PADI4: variants seen among roughly 807,000 people sequenced by gnomAD.
PADI4 encodes peptidyl arginine deiminase 4, also known as protein-arginine deiminase type-4.
PADI4 carries 62 observed loss-of-function variants against 75.0 expected under a neutral mutation model. The ratio of observed to expected loss-of-function variants is 0.83; its 90% CI spans 0.67 to 1.02. The LOEUF is 1.02. Among genes scored for constraint, PADI4 ranks in the 50% least tolerant of loss-of-function variants. The pLI is 0.00. For missense variants in PADI4, 845 were observed against 850.5 expected, an observed-to-expected ratio of 0.99 and a Z score of 0.08; for synonymous variants, 361 against 348.1, an observed-to-expected ratio of 1.04 and a Z score of -0.41.
intron 2 of PADI4, among the ~76,000 whole-genome samples, chr1:17,332,702 C>T (rs1467563494): frequency 6.6e-6 from 1 of 152,170 alleles, no homozygotes; most frequent in Non-Finnish European, 1.5e-5. Context: ...ACAGGACCCT[C>T]TGGGGTTCCC....
chr1:17,329,335 A>G (rs555552371), intron 1 of PADI4, among the ~76,000 whole-genome samples: 1 of 152,060 alleles, frequency 6.6e-6, no homozygotes, highest in Non-Finnish European at 1.5e-5. Flanking sequence ...AAAAAAAAAA[A>G]AAAATAGTAA....
At chr1:17,350,474 T>C (rs12752914) in intron 10 of PADI4, among the ~76,000 whole-genome samples, 4,354 of 130,804 alleles carry the variant, frequency 0.033, 956 homozygotes, top group Middle Eastern at 0.051. Flanking sequence ...GAAACTTGAA[T>C]TTTTGAGGAA....
intron 8 of PADI4, among the ~76,000 whole-genome samples, chr1:17,344,468 G>A (rs2074479555): frequency 6.6e-6 from 1 of 152,258 alleles, no homozygotes; most frequent in Non-Finnish European, 1.5e-5. Context: ...ACAAGGCAAT[G>A]AGGAAAATGT....
intron 1 of PADI4, among the ~76,000 whole-genome samples, chr1:17,330,447 G>A (rs1456363669): frequency 6.6e-6 from 1 of 152,180 alleles, no homozygotes; most frequent in African/African-American, 2.4e-5. Context: ...CTGCAAGCTG[G>A]GGAAGAGAGA....
Position 17,338,098 on chromosome 1 carries a change from G to A in PADI4, c.469G>A (p.Asp157Asn), listed in dbSNP as rs2074349295. The change falls in exon 5 of 16, where the codon GAC (aspartate) becomes AAC (asparagine). Residue 157 changes from aspartate to asparagine, a missense_variant. Physicochemically the swap from Asp to Asn is conservative, Grantham distance 23 (BLOSUM62 1). Transcript: ENST00000375448. ...CATCCTGCTGGTGAACTGTGACAGA[G>A]ACAATCTCGAATCTTCTGCCATGGA... is the stretch of plus-strand genomic sequence containing the variant. ...GAILLVNCDR[D>N]NLESSAMDCE... 6.2e-7 allele frequency: 1 copy of A among 1,613,688 alleles called. No individual in the cohort carries two copies.
At chr1:17,340,667 G>C (rs1214027097) in intron 6 of PADI4, among the ~76,000 whole-genome samples, 1 of 152,094 alleles carries the variant, frequency 6.6e-6, no homozygotes, top group East Asian at 1.9e-4. Flanking sequence ...GGGAGGTCAG[G>C]TAGGCGTATA....
chr1:17,322,036 T>C (rs1242838932), intron 1 of PADI4, among the ~76,000 whole-genome samples: 1 of 152,230 alleles, frequency 6.6e-6, no homozygotes, highest in African/African-American at 2.4e-5. Context: ...TTCATCTAGC[T>C]CAGTGAATCT....
chr1:17,321,305 T>C (rs955496714), intron 1 of PADI4, among the ~76,000 whole-genome samples: 1 of 152,002 alleles, frequency 6.6e-6, no homozygotes, highest in Non-Finnish European at 1.5e-5. Context: ...AGTCTGACCA[T>C]AGCACAGGGA....
chr1:17,325,774 T>C (rs2100688947), intron 1 of PADI4, among the ~76,000 whole-genome samples: 1 of 152,016 alleles, frequency 6.6e-6, no homozygotes, highest in South Asian at 2.1e-4. Context: ...AATGGCACAA[T>C]CTTGACTCAC....
intron 1 of PADI4, among the ~76,000 whole-genome samples, chr1:17,309,177 A>G (rs1376359240): frequency 3.3e-5 from 5 of 151,720 alleles, no homozygotes; most frequent in African/African-American, 9.7e-5. Context: ...CCCTGGAAAA[A>G]AAAAAAAAAA....
rs988556909 is a variant in PADI4, at chr1:17,356,103, C to T, written c.1431C>T (p.Ser477=). ...TGGGCCACGTGGACGAGTTCCTGAG[C>T]TTTGTGCCAGCACCCGACAGGAAGG... ...LSVGHVDEFL[S]FVPAPDRKGF... is the part of the protein sequence containing the mutation. Residue 477 remains serine, a synonymous_variant, in exon 12 of 16, where the codon AGC becomes AGT. Transcript: ENST00000375448. This position sits in a 1 kb window ranked among gnomAD's most constrained non-coding sequence, Gnocchi z 4.1. 3 of 1,614,074 alleles carry T rather than the reference C, an allele frequency of 1.9e-6. No homozygotes were observed. The highest frequency in any genetic ancestry group is 2.5e-6 in the Non-Finnish European group (3 of 1,180,038).
Position 17,363,699 on chromosome 1 carries a change from G to T in PADI4, c.1936G>T (p.Gly646Cys). The T allele has an allele frequency of 6.2e-7, 1 of 1,614,162 alleles. No individual in the cohort carries two copies. Among genetic ancestry groups the T allele is most frequent in the Non-Finnish European group, 8.5e-7 (1 of 1,179,974 alleles). Residue 646 changes from glycine (G) to cysteine (C), a missense_variant, in exon 16 of 16, where the codon GGC becomes TGC. By Grantham distance (159) the Gly-to-Cys change is radical (BLOSUM62 -3). Coordinates refer to ENST00000375448, the MANE Select transcript of PADI4 (RefSeq NM_012387.3). ...CATCAGGCATGGGGAGGTGCACTGC[G>T]GCACCAACGTGCGCAGAAAGCCCTT... is the stretch of plus-strand genomic sequence containing the variant. ...YHIRHGEVHC[G>C]TNVRRKPFSF...
Position 17,316,807 on chromosome 1 carries a change from G to GCTT in PADI4, c.92+8496_92+8498dup, listed in dbSNP as rs762250817. On this transcript the variant is annotated intron_variant, in intron 1 of 15. Transcript: ENST00000375448. ...ACCCGTCTCCCCTGCCCCGCGCCCAGCTTCTATCTGTAGCTGCATTTCAGC... is the reference window on the plus strand; with the variant it reads ...ACCCGTCTCCCCTGCCCCGCGCCCAGCTTCTTCTATCTGTAGCTGCATTTCAGC... 3.9e-5 allele frequency among the ~76,000 whole-genome samples: 6 copies of GCTT among 151,922 alleles called. No homozygotes were observed. The East Asian group carries it at 1.2e-3, about 29-fold the overall frequency.
At chr1:17,358,763 C>G in intron 13 of PADI4, 75 bp from the exon 14 acceptor site, 1 of 910,982 alleles carries the variant, frequency 1.1e-6, no homozygotes, top group East Asian at 2.6e-5. Flanking sequence ...ACTGAGTCCC[C>G]CCCCGGCACT....
chr1:17,354,671 G>A lies in PADI4; in HGVS notation c.1294G>A (p.Asp432Asn). 6.2e-7 allele frequency: 1 copy of A among 1,609,192 alleles called. No homozygotes were observed. The highest frequency in any genetic ancestry group is 2.2e-5 in the East Asian group (1 of 44,816). The change falls in exon 11 of 16, where the codon GAC (aspartate) becomes AAC (asparagine). Residue 432 changes from aspartate to asparagine, a missense_variant. By Grantham distance (23) the Asp-to-Asn change is conservative. Transcript: ENST00000375448. ...CCCGCTGGGCAGGATTCTCTTCGGGGACAGCTGTTATCCCAGGTAAGGAGG... is the reference window on the plus strand; with the variant it reads ...CCCGCTGGGCAGGATTCTCTTCGGGAACAGCTGTTATCCCAGGTAAGGAGG... ...EYPLGRILFG[D>N]SCYPSNDSRQ... is the part of the protein sequence containing the mutation.
At chr1:17,319,122 T>C (rs1322315139) in intron 1 of PADI4, among the ~76,000 whole-genome samples, 1 of 152,208 alleles carries the variant, frequency 6.6e-6, no homozygotes, top group Admixed American at 6.5e-5. Flanking sequence ...ATACTAACTT[T>C]TAAAAAAATC....
At chr1:17,317,207 T>G (rs549013080) in intron 1 of PADI4, among the ~76,000 whole-genome samples, 60 of 152,254 alleles carry the variant, frequency 3.9e-4, no homozygotes, top group African/African-American at 1.3e-3. Context: ...GTTACAGGCA[T>G]GAGCCACCAT....
At chr1:17,336,263 TG>T (rs760590796) in intron 4 of PADI4, 37 bp downstream of exon 4, 1 of 1,545,220 alleles carries the variant, frequency 6.5e-7, no homozygotes, top group Non-Finnish European at 9.0e-7. Context: ...CTACTTCTAC[TG>T]GATTCTCCCC....
chr1:17,359,331 G>A lies in PADI4; in HGVS notation c.1681G>A (p.Glu561Lys), dbSNP rs199904250. ...ELLKRELGLAESDIIDIPQLF... is the reference protein window; with the variant it reads ...ELLKRELGLAKSDIIDIPQLF... ...GCTGAAGCGGGAGCTGGGCCTGGCC[G>A]AGAGTGACATCATTGACATCCCGCA... is the stretch of plus-strand genomic sequence containing the variant. Residue 561 changes from glutamate (E) to lysine (K), a missense_variant, in exon 15 of 16, where the codon GAG becomes AAG. Transcript: ENST00000375448. 88 of 1,606,188 alleles carry A rather than the reference G, an allele frequency of 5.5e-5. No individual in the cohort carries two copies. The highest frequency in any genetic ancestry group is 6.7e-5 in the Admixed American group (4 of 59,608).
Sources: allele counts gnomAD v4.1 joint callset (sites outside exome capture counted in the v4.1 genomes callset), GRCh38; gene constraint gnomAD v4.1.1; non-coding constraint Gnocchi (gnomAD v3.1); transcripts MANE v1.5; gene names NCBI Gene and HGNC (gene_info 2026-07-23, HGNC 2026-07-21).